Variants in TBCD observed in about 807,000 individuals in gnomAD.
TBCD encodes the protein tubulin-specific chaperone D.
A neutral mutation model predicts 169.3 loss-of-function variants in TBCD; 105 were observed. The observed-to-expected ratio is 0.62, with a 90% CI of 0.53 to 0.73. TBCD has a LOEUF of 0.73. TBCD is among the 30% of genes least tolerant of loss of function. The pLI is 0.00. For missense variants in TBCD, 1,444 were observed against 1,600.1 expected, an observed-to-expected ratio of 0.90 and a Z score of 1.66; for synonymous variants, 700 against 643.9, an observed-to-expected ratio of 1.09 and a Z score of -1.32.
At chr17:82,924,217 G>A (rs575643818) in intron 26 of TBCD, among the ~76,000 whole-genome samples, 1 of 152,272 alleles carries the variant, frequency 6.6e-6, no homozygotes, top group East Asian at 1.9e-4. Flanking sequence ...GCCTCCCAAA[G>A]TTCTGGGATT....
chr17:82,861,041 C>T (rs749868359), intron 13 of TBCD, among the ~76,000 whole-genome samples: 6 of 152,208 alleles, frequency 3.9e-5, no homozygotes, highest in Non-Finnish European at 8.8e-5. Flanking sequence ...AGTAAAACCG[C>T]GGCCCGTTGC....
Position 82,930,559 on chromosome 17 carries a change from A to C in TBCD, c.3029A>C (p.Lys1010Thr), listed in dbSNP as rs772524048. The stretch of plus-strand genomic sequence containing the variant: ...ACCCAGAGCCTCTTTGAGTACATGA[A>C]GGGCATTCAGAGCGACCCGCAGGCC... ...HSTQSLFEYM[K>T]GIQSDPQALG... Residue 1010 changes from lysine (K) to threonine (T), a missense_variant, in exon 33 of 39, where the codon AAG (lysine) becomes ACG (threonine). Transcript: ENST00000355528. The surrounding 1 kb of genome is among the most constrained non-coding windows in gnomAD (Gnocchi z 5.2). The C allele has an allele frequency of 3.7e-6, 6 of 1,613,648 alleles. No individual in the cohort carries two copies. The highest frequency in any genetic ancestry group is 4.2e-6 in the Non-Finnish European group (5 of 1,179,856).
intron 36 of TBCD, 52 bp from the exon 37 acceptor site, chr17:82,939,315 G>T: frequency 4.8e-6 from 7 of 1,459,916 alleles, no homozygotes; most frequent in Non-Finnish European, 6.6e-6. Flanking sequence ...CGTCTCTCCG[G>T]GGTGGGGCGG....
At chr17:82,867,865 A>G (rs116223542) in intron 13 of TBCD, among the ~76,000 whole-genome samples, 3,854 of 152,238 alleles carry the variant, frequency 0.025, 181 homozygotes, top group African/African-American at 0.088. Flanking sequence ...CTTTACCCTC[A>G]GTGCCTCCTG....
chr17:82,867,770 A>G (rs1312333673), intron 13 of TBCD, among the ~76,000 whole-genome samples: 1 of 152,196 alleles, frequency 6.6e-6, no homozygotes, highest in African/African-American at 2.4e-5. Context: ...TTTAGAAGGA[A>G]AATGTTTGAC....
chr17:82,818,805 G>A (rs2052154725), intron 13 of TBCD, among the ~76,000 whole-genome samples: 2 of 152,342 alleles, frequency 1.3e-5, no homozygotes, highest in East Asian at 3.9e-4. Flanking sequence ...GGCGGCTCAT[G>A]CCTATAATCC....
At chr17:82,777,353 T>C (rs2048662771) in intron 6 of TBCD, among the ~76,000 whole-genome samples, 1 of 151,076 alleles carries the variant, frequency 6.6e-6, no homozygotes, top group Admixed American at 6.6e-5. Flanking sequence ...GATGAGAGAG[T>C]GTAGAAATAA....
intron 34 of TBCD, 194 bp from the exon 35 acceptor site, chr17:82,937,077 G>T (rs539723309): frequency 1.2e-5 from 7 of 577,700 alleles, no homozygotes; most frequent in African/African-American, 1.1e-4. Context: ...TGGCACAGCC[G>T]CTAGGGACCA....
intron 6 of TBCD, among the ~76,000 whole-genome samples, chr17:82,777,234 T>A (rs1598440077): frequency 6.6e-6 from 1 of 152,210 alleles, no homozygotes. Context: ...TTTCTTTTGG[T>A]CTACAGTAGA....
intron 4 of TBCD, 56 bp from the exon 5 acceptor site, chr17:82,768,364 C>T (rs2048131053): frequency 6.2e-7 from 1 of 1,604,106 alleles, no homozygotes; most frequent in Admixed American, 1.7e-5. Flanking sequence ...TAGATTGTGG[C>T]CAGTGGCCTG....
chr17:82,898,437 G>A (rs751990832), intron 17 of TBCD, among the ~76,000 whole-genome samples: 9 of 152,244 alleles, frequency 5.9e-5, no homozygotes, highest in Admixed American at 1.3e-4. Context: ...GGCTTGGGCC[G>A]TTGGACAGCT....
At chr17:82,830,015 G>GT in intron 13 of TBCD, 3 of 1,263,430 alleles carry the variant, frequency 2.4e-6, no homozygotes, top group African/African-American at 1.5e-5. Flanking sequence ...TTGTTTGTTT[G>GT]TTTTTTTGAG....
At chr17:82,779,487 A>T (rs2048807627) in intron 6 of TBCD, among the ~76,000 whole-genome samples, 1 of 152,166 alleles carries the variant, frequency 6.6e-6, no homozygotes, top group East Asian at 1.9e-4. Flanking sequence ...CCCCTCCCTA[A>T]GCATGCTCCA....
At chr17:82,941,906 A>C in intron 38 of TBCD, 3 of 199,836 alleles carry the variant, frequency 1.5e-5, no homozygotes, top group Non-Finnish European at 1.9e-5. Context: ...CACTCTTCTA[A>C]AGTAACAAAA....
At chr17:82,913,614 C>T (rs1599496559) in intron 23 of TBCD, 2 of 152,350 alleles carry the variant, frequency 1.3e-5, no homozygotes, top group Admixed American at 6.5e-5. Flanking sequence ...GAATGCGTTC[C>T]GAGTCCCCAG....
At chr17:82,756,680 A>G (rs544235919) in intron 2 of TBCD, among the ~76,000 whole-genome samples, 1 of 152,016 alleles carries the variant, frequency 6.6e-6, no homozygotes, top group African/African-American at 2.4e-5. Context: ...GGGTTTCACT[A>G]TGTTGGCCAG....
At chr17:82,934,850 G>A (rs1303093448) in intron 34 of TBCD, among the ~76,000 whole-genome samples, 5 of 151,888 alleles carry the variant, frequency 3.3e-5, no homozygotes, top group Admixed American at 3.3e-4. Flanking sequence ...TGTAATCCCA[G>A]CACTTTGGGA....
intron 13 of TBCD, among the ~76,000 whole-genome samples, chr17:82,828,700 A>G (rs1567846651): frequency 6.7e-6 from 1 of 149,894 alleles, no homozygotes; most frequent in Admixed American, 6.6e-5. Context: ...GCACACACCC[A>G]TACATAATGC....
At chr17:82,872,708 T>C (rs2057671509) in intron 14 of TBCD, among the ~76,000 whole-genome samples, 1 of 152,268 alleles carries the variant, frequency 6.6e-6, no homozygotes, top group African/African-American at 2.4e-5. Context: ...CTTACGTTGA[T>C]ATCTCATTCA....
Sources: gnomAD v4.1 joint callset for allele counts (sites outside exome capture counted in the v4.1 genomes callset) on GRCh38, gnomAD v4.1.1 for gene constraint, Gnocchi (gnomAD v3.1) non-coding constraint, MANE v1.5 for transcripts, NCBI Gene and HGNC (gene_info 2026-07-23, HGNC 2026-07-21) for gene names.